RSF1: variants seen among roughly 807,000 people sequenced by gnomAD.
RSF1 encodes remodeling and spacing factor 1.
In RSF1, 13 loss-of-function variants were observed where a neutral mutation model predicts 145.2. That is an observed-to-expected ratio of 0.09 (90% CI 0.06 to 0.14). RSF1 has a LOEUF of 0.14. Ranked by LOEUF, RSF1 falls within the 10% of genes least tolerant of loss-of-function variation. The pLI is 1.00. For synonymous variants in RSF1, 577 were observed against 592.6 expected (o/e 0.97, Z 0.38); for missense variants, 1,517 against 1,718.2 (o/e 0.88, Z 2.07).
rs2135843016 is a variant in RSF1 at position 77,693,674 on chromosome 11, G to A, written c.2716-63C>T. On this transcript the variant is annotated intron_variant, in intron 7 of 15. Coordinates refer to ENST00000308488, the MANE Select transcript of RSF1 (RefSeq NM_016578.4). Reference sequence around the variant, plus strand: ...AAAATTCAATGACTCTTAGGTTAAAGACGTTTCAATATCTCTGAGTACTAT... The same window carrying A: ...AAAATTCAATGACTCTTAGGTTAAAAACGTTTCAATATCTCTGAGTACTAT... The A allele has an allele frequency of 3.4e-6, 4 of 1,159,614 alleles. No individual in the cohort carries two copies. The South Asian group carries it at 3.9e-5, about 11-fold the overall frequency. 71.8% of individuals were successfully genotyped at this position (1,159,614 alleles called of 1,614,324 possible). A position where few individuals can be genotyped will look rare whatever the true frequency, so the allele number is the denominator to read the frequency against.
At chr11:77,821,141 G>C, upstream of RSF1, 1 of 403,180 alleles carries the variant, frequency 2.5e-6, no homozygotes, top group Admixed American at 4.1e-5. Context: ...ATTCCCGGAG[G>C]GCAGTTGGGG....
the RSF1 span, among the ~76,000 whole-genome samples, chr11:77,831,734 C>T: frequency 6.7e-6 from 1 of 148,556 alleles, no homozygotes; most frequent in South Asian, 2.1e-4. Flanking sequence ...CTCACTCTGT[C>T]ACCCAGGCTG....
rs73506730 is a variant in RSF1, at chr11:77,673,194, T to C, written c.3563-964A>G. On this transcript the variant is annotated intron_variant, in intron 14 of 15. Coordinates refer to ENST00000308488, the MANE Select transcript of RSF1 (RefSeq NM_016578.4). Reference sequence around the variant, plus strand: ...AGAAAACTCATGAATCTGTTCCACATAAATACAGAACTCAAGATATATTTT... The same window carrying C: ...AGAAAACTCATGAATCTGTTCCACACAAATACAGAACTCAAGATATATTTT... Among the ~76,000 whole-genome samples, 288 of 152,324 alleles carry C rather than the reference T, an allele frequency of 1.9e-3. 2 individuals carry two copies. Among genetic ancestry groups the C allele is most frequent in the Middle Eastern group, 6.8e-3 (2 of 294 alleles).
At chr11:77,848,317 A>AT in the RSF1 span, among the ~76,000 whole-genome samples, 1 of 151,876 alleles carries the variant, frequency 6.6e-6, no homozygotes, top group African/African-American at 2.4e-5. Context: ...GTATATTTCT[A>AT]TTTTTCCCAC....
chr11:77,754,016 G>A (rs922374794), intron 2 of RSF1, among the ~76,000 whole-genome samples: 3 of 152,184 alleles, frequency 2.0e-5, no homozygotes, highest in African/African-American at 7.2e-5. Flanking sequence ...CCAAATGCTA[G>A]AGGAGACTAA....
the RSF1 span, among the ~76,000 whole-genome samples, chr11:77,859,347 C>A: frequency 4.6e-5 from 7 of 152,098 alleles, no homozygotes; most frequent in African/African-American, 1.4e-4. Flanking sequence ...CTGATGACCC[C>A]AGCAGTGTAA....
At chr11:77,855,720 C>CTTTTTTTTTT in the RSF1 span, among the ~76,000 whole-genome samples, 1 of 127,978 alleles carries the variant, frequency 7.8e-6, no homozygotes, top group Non-Finnish European at 1.6e-5. Context: ...AGTTTTATGT[C>CTTTTTTTTTT]TTTTTTTTTT....
intron 5 of RSF1, 35 bp downstream of exon 5, chr11:77,725,510 C>T: frequency 1.3e-6 from 2 of 1,481,516 alleles, no homozygotes; most frequent in Non-Finnish European, 1.8e-6. Flanking sequence ...GAAGAGATTA[C>T]AAAACAAAGC....
chr11:77,738,074 A>T (rs1961409745), intron 4 of RSF1, among the ~76,000 whole-genome samples: 1 of 152,260 alleles, frequency 6.6e-6, no homozygotes, highest in Non-Finnish European at 1.5e-5. Context: ...GCTTGCAGTG[A>T]GCCAAGATCG....
intron 5 of RSF1, chr11:77,717,667 T>A (rs1960848356): frequency 6.6e-6 from 1 of 152,268 alleles, no homozygotes; most frequent in Non-Finnish European, 1.5e-5. Flanking sequence ...GACTCATGTA[T>A]GGGAGCTTAT....
intron 4 of RSF1, among the ~76,000 whole-genome samples, chr11:77,730,383 C>T (rs547448697): frequency 3.4e-4 from 52 of 152,118 alleles, no homozygotes; most frequent in Non-Finnish European, 4.9e-4. Flanking sequence ...ATATTTTTAA[C>T]GAGGTATAAT....
At chr11:77,863,416 G>C in the RSF1 span, among the ~76,000 whole-genome samples, 1 of 152,190 alleles carries the variant, frequency 6.6e-6, no homozygotes, top group Non-Finnish European at 1.5e-5. Context: ...GAAGAGTGCA[G>C]TTGCAAGATT....
chr11:77,724,052 A>G lies in RSF1; in HGVS notation c.733+1493T>C, dbSNP rs576569706. On this transcript the variant is annotated intron_variant, in intron 5 of 15. Transcript: ENST00000308488. ...TCATAGACTTAAGAGTTTTCAAAGC[A>G]TAACAAAAAAATAAACAACCCAAAG... 2.0e-4 allele frequency among the ~76,000 whole-genome samples: 31 copies of G among 152,368 alleles called. No individual in the cohort carries two copies. The South Asian group carries it at 6.2e-3, about 31-fold the overall frequency.
intron 3 of RSF1, among the ~76,000 whole-genome samples, chr11:77,746,834 C>T (rs1389982381): frequency 6.6e-6 from 1 of 152,058 alleles, no homozygotes; most frequent in Admixed American, 6.5e-5. Context: ...ACTGTCCCTA[C>T]AAGAAGAGAT....
intron 4 of RSF1, among the ~76,000 whole-genome samples, chr11:77,736,331 G>C (rs764328335): frequency 6.6e-6 from 1 of 152,152 alleles, no homozygotes; most frequent in Non-Finnish European, 1.5e-5. Flanking sequence ...ATTTCTGCTA[G>C]ATAAAGCATT....
At chr11:77,776,628 C>G (rs1948345153) in intron 1 of RSF1, among the ~76,000 whole-genome samples, 1 of 152,120 alleles carries the variant, frequency 6.6e-6, no homozygotes, top group East Asian at 1.9e-4. Flanking sequence ...CCAAAGTTAT[C>G]ACTATTCACC....
At chr11:77,672,264 T>A in intron 14 of RSF1, 34 bp from the exon 15 acceptor site, 1 of 1,511,838 alleles carries the variant, frequency 6.6e-7, no homozygotes, top group Non-Finnish European at 8.9e-7. Flanking sequence ...AAGTACAAAA[T>A]TTAAGTCTAT....
the RSF1 span, among the ~76,000 whole-genome samples, chr11:77,854,380 A>G: frequency 6.6e-6 from 1 of 152,210 alleles, no homozygotes; most frequent in South Asian, 2.1e-4. Flanking sequence ...TCTTCTGCCT[A>G]TGAGCCTATA....
chr11:77,684,053 G>A (rs1590827909), intron 10 of RSF1, among the ~76,000 whole-genome samples: 1 of 152,300 alleles, frequency 6.6e-6, no homozygotes, highest in South Asian at 2.1e-4. Context: ...GCTTTTGTGA[G>A]ATTATAACCA....
Sources: allele counts gnomAD v4.1 joint callset (sites outside exome capture counted in the v4.1 genomes callset), GRCh38; gene constraint gnomAD v4.1.1; transcripts MANE v1.5; gene names NCBI Gene and HGNC (gene_info 2026-07-23, HGNC 2026-07-21).